The following CRADD variants were observed in gnomAD, a reference collection of about 807,000 sequenced individuals.
The protein encoded by CRADD is death domain-containing protein CRADD.
CRADD carries 9 observed loss-of-function variants against 15.5 expected under a neutral mutation model. The ratio of observed to expected loss-of-function variants is 0.58; its 90% confidence interval spans 0.35 to 1.01. The LOEUF is 1.01. Among genes scored for constraint, CRADD ranks in the 50% least tolerant of loss-of-function variants. The pLI is 0.02. For missense variants in CRADD, 227 were observed against 250.3 expected, an observed-to-expected ratio of 0.91 and a Z score of 0.63; for synonymous variants, 118 against 107.6, an observed-to-expected ratio of 1.10 and a Z score of -0.60.
chr12:93,796,600 C>CAAA (rs397813054), intron 2 of CRADD, among the ~76,000 whole-genome samples: 6 of 113,844 alleles, frequency 5.3e-5, no homozygotes, highest in South Asian at 2.8e-4. Context: ...AAAACGGTGT[C>CAAA]AAAAAAAAAA....
At chr12:93,730,503 T>C (rs186179010) in intron 2 of CRADD, among the ~76,000 whole-genome samples, 34 of 152,342 alleles carry the variant, frequency 2.2e-4, no homozygotes, top group African/African-American at 8.2e-4. Flanking sequence ...TATTGAAAGC[T>C]ACATTCTTTG....
At chr12:93,689,451 T>C (rs1955515131) in intron 2 of CRADD, among the ~76,000 whole-genome samples, 2 of 151,424 alleles carry the variant, frequency 1.3e-5, no homozygotes, top group Non-Finnish European at 2.9e-5. Flanking sequence ...TCCCCCAGAC[T>C]AAAAAAAAGA....
chr12:93,784,425 G>A lies in CRADD; in HGVS notation c.299-65545G>A, dbSNP rs115718031. On this transcript the variant is annotated intron_variant, in intron 2 of 2. Coordinates refer to ENST00000332896, the MANE Select transcript of CRADD (RefSeq NM_003805.5). ...TTAAGTGAGTTGCCCAAGGTTGCAC[G>A]GTTAATAAATGGCAGAGCTGGGCTC... Among the ~76,000 whole-genome samples the A allele has an allele frequency of 6.0e-3, 910 of 152,034 alleles. 10 individuals are homozygous for A. The highest frequency in any genetic ancestry group is 0.021 in the African/African-American group (871 of 41,444).
chr12:93,686,304 C>CAAAAAAAAA lies in CRADD; in HGVS notation c.298+7245_298+7253dup, dbSNP rs59096792. Among the ~76,000 whole-genome samples the CAAAAAAAAA allele has an allele frequency of 7.6e-4, 50 of 65,976 alleles. 1 individual carries two copies. The highest frequency in any genetic ancestry group is 9.2e-4 in the Non-Finnish European group (34 of 37,068). The allele number at this position is 65,976 out of a possible 152,430, so 43.3% of individuals were successfully genotyped here. A position where few individuals can be genotyped will look rare whatever the true frequency, so the allele number is the denominator to read the frequency against. On this transcript the variant is annotated intron_variant, in intron 2 of 2. Coordinates refer to ENST00000332896, the MANE Select transcript of CRADD (RefSeq NM_003805.5). Reference sequence around the variant, plus strand: ...CAACAGAGTGAGACTCCATCCCCCCCAAAAAAAAAAAAAAAAAAAAAGAAA... The same window carrying CAAAAAAAAA: ...CAACAGAGTGAGACTCCATCCCCCCCAAAAAAAAAAAAAAAAAAAAAAAAAAAAAAGAAA...
intron 2 of CRADD, among the ~76,000 whole-genome samples, chr12:93,772,199 C>T (rs1053526272): frequency 2.0e-5 from 3 of 152,144 alleles, no homozygotes; most frequent in African/African-American, 4.8e-5. Flanking sequence ...GGTTTATTGG[C>T]TTCTAGGGCA....
chr12:93,875,871 G>C (rs1030874929), intron 2 of CRADD, among the ~76,000 whole-genome samples: 1 of 152,080 alleles, frequency 6.6e-6, no homozygotes, highest in African/African-American at 2.4e-5. Context: ...TGTTAAAATA[G>C]TCTGTGTTTT....
chr12:93,677,508 T>A (rs1955186166), intron 1 of CRADD, 36 bp downstream of exon 1: 1 of 152,274 alleles, frequency 6.6e-6, no homozygotes, highest in Non-Finnish European at 1.5e-5. Context: ...TTGAAAGTCC[T>A]GCATTGTAGC....
At chr12:93,831,721 C>G (rs1476306293) in intron 2 of CRADD, among the ~76,000 whole-genome samples, 4 of 152,260 alleles carry the variant, frequency 2.6e-5, no homozygotes, top group Non-Finnish European at 5.9e-5. Flanking sequence ...GCGGTATATG[C>G]CACATGCTTT....
intron 2 of CRADD, among the ~76,000 whole-genome samples, chr12:93,862,778 C>T (rs1359795143): frequency 6.6e-6 from 1 of 152,148 alleles, no homozygotes; most frequent in Non-Finnish European, 1.5e-5. Flanking sequence ...TTGAAAACCT[C>T]TCTTCCATGA....
chr12:93,813,041 T>C (rs191005584), intron 2 of CRADD, among the ~76,000 whole-genome samples: 3 of 152,322 alleles, frequency 2.0e-5, no homozygotes, highest in African/African-American at 7.2e-5. Flanking sequence ...AAATACAAAT[T>C]TAAGGGATAT....
chr12:93,772,500 A>G (rs1237610845), intron 2 of CRADD, among the ~76,000 whole-genome samples: 1 of 152,212 alleles, frequency 6.6e-6, no homozygotes, highest in Non-Finnish European at 1.5e-5. Context: ...CTGACACCTC[A>G]TATTGGAAGC....
chr12:93,823,854 T>C (rs964370074), intron 2 of CRADD, among the ~76,000 whole-genome samples: 11 of 152,182 alleles, frequency 7.2e-5, no homozygotes, highest in Non-Finnish European at 1.3e-4. Flanking sequence ...AAAGAGACTG[T>C]ACTAGAAGGA....
intron 2 of CRADD, among the ~76,000 whole-genome samples, chr12:93,722,404 C>A (rs1457069844): frequency 6.6e-6 from 1 of 151,930 alleles, no homozygotes; most frequent in African/African-American, 2.4e-5. Context: ...GGGGGCAATT[C>A]TCAGCCTATA....
chr12:93,794,687 G>A (rs924809642), intron 2 of CRADD, among the ~76,000 whole-genome samples: 2 of 152,172 alleles, frequency 1.3e-5, no homozygotes, highest in African/African-American at 2.4e-5. Context: ...AGACCAGCCA[G>A]AGTGGTCTCT....
intron 2 of CRADD, among the ~76,000 whole-genome samples, chr12:93,820,260 T>C (rs1957754431): frequency 6.6e-6 from 1 of 152,200 alleles, no homozygotes; most frequent in Non-Finnish European, 1.5e-5. Context: ...GCCATCTTGG[T>C]TTACCCCTGC....
chr12:93,853,260 G>T (rs1036245331), downstream of CRADD, among the ~76,000 whole-genome samples: 1 of 151,894 alleles, frequency 6.6e-6, no homozygotes, highest in Admixed American at 6.6e-5. Context: ...TATATTCATG[G>T]CTTAAAATTA....
chr12:93,753,564 G>T (rs1489113883), intron 2 of CRADD, among the ~76,000 whole-genome samples: 6 of 152,228 alleles, frequency 3.9e-5, no homozygotes, highest in Non-Finnish European at 8.8e-5. Flanking sequence ...ATACAATGGG[G>T]TACAGGCATT....
At chr12:93,751,065 A>T (rs1173101953) in intron 2 of CRADD, among the ~76,000 whole-genome samples, 4 of 152,208 alleles carry the variant, frequency 2.6e-5, no homozygotes, top group African/African-American at 7.2e-5. Context: ...ATTGTGGAAA[A>T]AATAAAAACT....
chr12:93,697,896 T>C (rs923608819), intron 2 of CRADD, among the ~76,000 whole-genome samples: 1 of 152,128 alleles, frequency 6.6e-6, no homozygotes, highest in African/African-American at 2.4e-5. Context: ...GGAAATGGGA[T>C]TGGAAAAAGA....
Sources: allele counts gnomAD v4.1 joint callset (sites outside exome capture counted in the v4.1 genomes callset), GRCh38; gene constraint gnomAD v4.1.1; transcripts MANE v1.5; gene names NCBI Gene and HGNC (gene_info 2026-07-23, HGNC 2026-07-21).